The following PCDH11X variants were observed in gnomAD, a reference collection of about 807,000 sequenced individuals.
PCDH11X encodes the protein protocadherin-11 X-linked.
PCDH11X carries 18 observed loss-of-function variants against 53.3 expected under a neutral mutation model. That is an observed-to-expected ratio of 0.34 (90% CI 0.23 to 0.50). PCDH11X has a LOEUF of 0.50. Ranked by LOEUF, PCDH11X falls within the 20% of genes least tolerant of loss-of-function variation. PCDH11X has a pLI of 0.98. For synonymous variants in PCDH11X, 279 were observed against 393.3 expected (o/e 0.71, Z 3.44); for missense variants, 570 against 1,032.4 (o/e 0.55, Z 6.14).
intron 8 of PCDH11X, among the ~76,000 whole-genome samples, chrX:92,335,819 G>C (rs1404850959): frequency 9.0e-6 from 1 of 110,692 alleles, no homozygotes; most frequent in Non-Finnish European, 1.9e-5. Flanking sequence ...TACGTGTGTA[G>C]ATAGATAGAT....
At chrX:91,825,062 C>T (rs745731218) in intron 4 of PCDH11X, among the ~76,000 whole-genome samples, 1 of 111,198 alleles carries the variant, frequency 9.0e-6, no homozygotes, top group South Asian at 3.8e-4. Context: ...ACTGGGAGAA[C>T]CACTGCTCTC....
chrX:92,334,471 T>G (rs776269043), intron 8 of PCDH11X, among the ~76,000 whole-genome samples: 4 of 111,789 alleles, frequency 3.6e-5, no homozygotes, highest in Non-Finnish European at 7.5e-5. Context: ...GTTCTCTCTC[T>G]AGTAAATTGT....
intron 8 of PCDH11X, among the ~76,000 whole-genome samples, chrX:92,276,710 G>C (rs140465210): frequency 9.0e-6 from 1 of 111,604 alleles, no homozygotes; most frequent in African/African-American, 3.2e-5. Flanking sequence ...GGGGTTTGAC[G>C]GCCAGATTCT....
intron 9 of PCDH11X, among the ~76,000 whole-genome samples, chrX:92,445,108 T>C (rs2072606722): frequency 9.5e-6 from 1 of 104,949 alleles, no homozygotes; most frequent in African/African-American, 3.4e-5. Context: ...CTCCTTGATT[T>C]TTTGGAATAG....
chrX:92,088,625 T>C (rs1348874238), intron 6 of PCDH11X, among the ~76,000 whole-genome samples: 2 of 111,703 alleles, frequency 1.8e-5, no homozygotes, highest in East Asian at 2.8e-4. Flanking sequence ...CCAACACACA[T>C]CTGGGAAATA....
chrX:92,289,257 G>C (rs1169065469), intron 8 of PCDH11X, among the ~76,000 whole-genome samples: 2 of 110,425 alleles, frequency 1.8e-5, no homozygotes, highest in Admixed American at 1.9e-4. Flanking sequence ...TTTCAGATCA[G>C]GTATTTAAAA....
At chrX:92,227,820 A>G (rs1165134176) in intron 7 of PCDH11X, among the ~76,000 whole-genome samples, 1 of 111,643 alleles carries the variant, frequency 9.0e-6, no homozygotes, top group Admixed American at 9.6e-5. Flanking sequence ...AGAAAACTAA[A>G]CAATCATATC....
chrX:92,148,057 CCTTTCTTTCTTT>C (rs1190209890), intron 6 of PCDH11X, among the ~76,000 whole-genome samples: 355 of 16,903 alleles, frequency 0.021, 15 homozygotes, highest in Non-Finnish European at 0.026. Flanking sequence ...TTCCTTCCTT[CCTTTCTTTCTTT>C]CTTTCTTTCT....
At chrX:92,053,705 G>T (rs2063399695) in intron 6 of PCDH11X, among the ~76,000 whole-genome samples, 1 of 108,283 alleles carries the variant, frequency 9.2e-6, no homozygotes, top group South Asian at 4.1e-4. Context: ...TGAGTAGCTG[G>T]GATTACAGGC....
chrX:91,976,081 C>G (rs2062042177), intron 6 of PCDH11X, among the ~76,000 whole-genome samples: 1 of 111,291 alleles, frequency 9.0e-6, no homozygotes, highest in Admixed American at 9.5e-5. Flanking sequence ...GAGACTGGGT[C>G]CCACTCTGTC....
intron 6 of PCDH11X, among the ~76,000 whole-genome samples, chrX:92,193,414 A>G (rs1416009744): frequency 9.0e-6 from 1 of 110,939 alleles, no homozygotes; most frequent in Non-Finnish European, 1.9e-5. Context: ...AACCTAAACT[A>G]TCTTTACTAT....
chrX:92,596,191 G>A (rs1925578289), intron 10 of PCDH11X, among the ~76,000 whole-genome samples: 1 of 112,400 alleles, frequency 8.9e-6, no homozygotes, highest in South Asian at 3.6e-4. Flanking sequence ...GAATATTAAT[G>A]TTTTTGTCAT....
intron 8 of PCDH11X, among the ~76,000 whole-genome samples, chrX:92,367,746 C>T (rs1200149754): frequency 9.0e-6 from 1 of 111,575 alleles, no homozygotes; most frequent in African/African-American, 3.3e-5. Flanking sequence ...ATTTCTCTTT[C>T]ACTTTTGAAG....
At chrX:92,485,996 T>C (rs1255396850) in intron 10 of PCDH11X, among the ~76,000 whole-genome samples, 2 of 110,358 alleles carry the variant, frequency 1.8e-5, no homozygotes, top group African/African-American at 6.6e-5. Flanking sequence ...CAGAACAGAG[T>C]ATAGAGATTA....
At chrX:92,331,678 G>C (rs2069493827) in intron 8 of PCDH11X, among the ~76,000 whole-genome samples, 1 of 110,248 alleles carries the variant, frequency 9.1e-6, no homozygotes, top group Non-Finnish European at 1.9e-5. Context: ...TAATAGATTG[G>C]GGAAATTTTA....
intron 5 of PCDH11X, among the ~76,000 whole-genome samples, chrX:91,842,533 A>G (rs1357971584): frequency 9.3e-6 from 1 of 107,267 alleles, no homozygotes; most frequent in East Asian, 2.8e-4. Context: ...CTTTTTAGCA[A>G]TTAAAACTAT....
intron 10 of PCDH11X, among the ~76,000 whole-genome samples, chrX:92,546,861 C>T (rs2074864271): frequency 8.9e-6 from 1 of 111,803 alleles, no homozygotes; most frequent in Non-Finnish European, 1.9e-5. Flanking sequence ...TCTATGTCTG[C>T]AGGGGCAAAC....
At chrX:91,968,154 CACTT>C (rs1300185141) in intron 6 of PCDH11X, among the ~76,000 whole-genome samples, 2 of 111,887 alleles carry the variant, frequency 1.8e-5, no homozygotes, top group African/African-American at 6.5e-5. Context: ...AAAATCTTCA[CACTT>C]ATTTTTTAAA....
At chrX:91,894,678 T>A (rs1352924734) in intron 6 of PCDH11X, among the ~76,000 whole-genome samples, 1 of 111,592 alleles carries the variant, frequency 9.0e-6, no homozygotes, top group Non-Finnish European at 1.9e-5. Context: ...CAAATATCAC[T>A]GTGCTTATGT....
Sources: gnomAD v4.1 joint callset for allele counts (sites outside exome capture counted in the v4.1 genomes callset) on GRCh38, gnomAD v4.1.1 for gene constraint, MANE v1.5 for transcripts, NCBI Gene and HGNC (gene_info 2026-07-23, HGNC 2026-07-21) for gene names.